Variants in UGP2 observed in about 807,000 individuals in gnomAD.
The protein encoded by UGP2 is UDP-glucose pyrophosphorylase 2.
A neutral mutation model predicts 49.0 loss-of-function variants in UGP2; 40 were observed. The observed-to-expected ratio is 0.82, with a 90% confidence interval of 0.63 to 1.06. UGP2 has a LOEUF of 1.06. Among genes scored for constraint, UGP2 ranks in the 50% least tolerant of loss-of-function variants. UGP2 has a pLI of 0.00. For missense variants in UGP2, 460 were observed against 603.5 expected (o/e 0.76, Z 2.49); for synonymous variants, 225 against 213.0 (o/e 1.06, Z -0.49).
At chr2:63,868,012 G>A (rs1177204624) in intron 3 of UGP2, among the ~76,000 whole-genome samples, 2 of 152,148 alleles carry the variant, frequency 1.3e-5, no homozygotes, top group African/African-American at 4.8e-5. Context: ...TTTTATTGAA[G>A]GATATCTAGA....
intron 3 of UGP2, among the ~76,000 whole-genome samples, chr2:63,871,549 G>A (rs1424536109): frequency 1.3e-5 from 2 of 152,264 alleles, no homozygotes; most frequent in African/African-American, 4.8e-5. Context: ...GCCTCCCAGT[G>A]TGCTGGGATT....
chr2:63,865,203 A>C (rs1328155491), intron 3 of UGP2, among the ~76,000 whole-genome samples: 1 of 152,202 alleles, frequency 6.6e-6, no homozygotes, highest in Admixed American at 6.5e-5. Context: ...CCCTCAAAGA[A>C]CTTAAAATTT....
chr2:63,841,979 G>A lies in UGP2; in HGVS notation c.-207G>A, dbSNP rs1483932614. 3 of 566,066 alleles carry A rather than the reference G, an allele frequency of 5.3e-6. No homozygotes were observed. The highest frequency in any genetic ancestry group is 7.7e-5 in the Admixed American group (2 of 25,868). 35.1% of individuals were successfully genotyped at this position (566,066 alleles called of 1,614,324 possible). On this transcript the variant is annotated 5_prime_UTR_variant, in exon 1 of 10. Transcript: ENST00000337130. Reference sequence around the variant, plus strand: ...AGTCGCACCAAGTTTCCGTCTTTTGGAATTGGGGAAGGAGTTTCTTTCTTT... The same window carrying A: ...AGTCGCACCAAGTTTCCGTCTTTTGAAATTGGGGAAGGAGTTTCTTTCTTT...
chr2:63,842,685 A>G (rs1250966946), intron 1 of UGP2: 5 of 1,282,554 alleles, frequency 3.9e-6, no homozygotes, highest in Non-Finnish European at 4.1e-6. Context: ...TCTCAGATTC[A>G]CTTATTGCGA....
chr2:63,878,480 A>G (rs951863095), intron 3 of UGP2, among the ~76,000 whole-genome samples: 2 of 152,254 alleles, frequency 1.3e-5, no homozygotes, highest in Admixed American at 1.3e-4. Context: ...TTATGTCTCC[A>G]TGACTAAGTA....
At position 63,891,132 on chromosome 2, in the gene UGP2, A is replaced by G. The variant is rs1672124103; in HGVS notation, c.1432A>G (p.Ile478Val). 2 of 1,613,232 alleles carry G rather than the reference A, an allele frequency of 1.2e-6. No individual in the cohort carries two copies. Among genetic ancestry groups the G allele is most frequent in the African/African-American group, 2.7e-5 (2 of 74,870 alleles). Residue 478 changes from isoleucine to valine, a missense_variant, in exon 10 of 10, where the codon ATC (isoleucine) becomes GTC (valine). By Grantham distance (29) the Ile-to-Val change is conservative. Around this residue, in one of 2 missense-constraint regions of UGP2, gnomAD observed 317 missense variants for 473.0 expected, o/e 0.67. Transcript: ENST00000337130. ...CCCTGTCACTTAGGGAACGGTTATC[A>G]TCATTGCAAATCATGGTGACAGAAT... ...KNVSLKGTVIIIANHGDRIDI... is the reference protein window; with the variant it reads ...KNVSLKGTVIVIANHGDRIDI...
At chr2:63,871,308 T>TC (rs1558950322) in intron 3 of UGP2, among the ~76,000 whole-genome samples, 1 of 152,146 alleles carries the variant, frequency 6.6e-6, no homozygotes, top group African/African-American at 2.4e-5. Context: ...CTTTTTTTTT[T>TC]CCTCCTTGCT....
In UGP2 at chr2:63,887,858, C is replaced by T. The variant is rs1349680006; in HGVS notation, c.1314+214C>T. 4.6e-6 allele frequency: 3 copies of T among 646,772 alleles called. No homozygotes were observed. In the East Asian group the frequency reaches 9.8e-5, roughly 21 times the overall value. The allele number at this position is 646,772 out of a possible 1,614,324, so 40.1% of individuals were successfully genotyped here. On this transcript the variant is annotated intron_variant, in intron 8 of 9. Coordinates refer to ENST00000337130, the MANE Select transcript of UGP2 (RefSeq NM_006759.4). ...TGCCATATGGAGAGTAGAAAATAAT[C>T]TTTAAATTTTGGGGCATTTTATCTT...
At chr2:63,865,744 A>G (rs1168345053) in intron 3 of UGP2, among the ~76,000 whole-genome samples, 1 of 151,866 alleles carries the variant, frequency 6.6e-6, no homozygotes, top group Non-Finnish European at 1.5e-5. Flanking sequence ...TCGCTGTGTT[A>G]CCCAGGCTGG....
At chr2:63,851,939 A>G (rs2104261421) in intron 1 of UGP2, among the ~76,000 whole-genome samples, 1 of 152,328 alleles carries the variant, frequency 6.6e-6, no homozygotes, top group African/African-American at 2.4e-5. Flanking sequence ...TGGTGGACAC[A>G]TACTCATTAT....
intron 3 of UGP2, among the ~76,000 whole-genome samples, chr2:63,863,447 C>T (rs148864832): frequency 1.4e-4 from 21 of 152,178 alleles, no homozygotes; most frequent in African/African-American, 4.1e-4. Flanking sequence ...AATTTTACAT[C>T]TCTTTAGCAT....
chr2:63,847,888 T>G lies in UGP2; in HGVS notation c.19+5684T>G, dbSNP rs562860739. ...TGCAAGTCACAGGGGATGCAATGGC[T>G]TGGCTTGGGCTCAGAGGCCTGACAT... On this transcript the variant is annotated intron_variant, in intron 1 of 9. Transcript: ENST00000337130. 2.0e-5 allele frequency among the ~76,000 whole-genome samples: 3 copies of G among 152,350 alleles called. No individual in the cohort carries two copies. The South Asian group carries it at 6.2e-4, about 32-fold the overall frequency.
intron 8 of UGP2, 81 bp downstream of exon 8, chr2:63,887,725 C>A (rs1020911128): frequency 6.5e-7 from 1 of 1,543,328 alleles, no homozygotes; most frequent in Non-Finnish European, 8.8e-7. Context: ...GAATTGGAGA[C>A]TAATTACAGT....
intron 3 of UGP2, among the ~76,000 whole-genome samples, chr2:63,877,592 C>G (rs1019783825): frequency 6.6e-6 from 1 of 152,218 alleles, no homozygotes; most frequent in Non-Finnish European, 1.5e-5. Context: ...AGTAATGGCT[C>G]TCATGACAAG....
intron 8 of UGP2, chr2:63,889,211 T>G (rs1671902360): frequency 6.6e-6 from 1 of 152,022 alleles, no homozygotes; most frequent in Admixed American, 6.6e-5. Context: ...GAATTGGAGA[T>G]ATGAATATCG....
chr2:63,886,003 G>C lies in UGP2; in HGVS notation c.873+117G>C, dbSNP rs897108776. 5.1e-6 allele frequency: 6 copies of C among 1,169,758 alleles called. 1 individual carries two copies. The highest frequency in any genetic ancestry group is 3.4e-5 in the Admixed American group (1 of 29,778). The allele number at this position is 1,169,758 out of a possible 1,614,324, so 72.5% of individuals were successfully genotyped here. A position where few individuals can be genotyped will look rare whatever the true frequency, so the allele number is the denominator to read the frequency against. Reference sequence around the variant, plus strand: ...TTAAACAACACATTTAATATGTTCTGTTTGACATAATAGTATGTATCATAA... The same window carrying C: ...TTAAACAACACATTTAATATGTTCTCTTTGACATAATAGTATGTATCATAA... On this transcript the variant is annotated intron_variant, in intron 6 of 9. Transcript: ENST00000337130.
At chr2:63,881,406 G>C (rs1404994153) in intron 3 of UGP2, among the ~76,000 whole-genome samples, 1 of 151,466 alleles carries the variant, frequency 6.6e-6, no homozygotes, top group Non-Finnish European at 1.5e-5. Flanking sequence ...ACAAATAACA[G>C]CTAACATCCA....
intron 1 of UGP2, among the ~76,000 whole-genome samples, chr2:63,854,615 GCACTCT>G (rs1324301627): frequency 4.6e-5 from 7 of 152,258 alleles, no homozygotes; most frequent in Middle Eastern, 3.4e-3. Context: ...TCTTGTCTAA[GCACTCT>G]TCCTTATTCT....
intron 3 of UGP2, among the ~76,000 whole-genome samples, chr2:63,869,402 A>AT (rs1281761231): frequency 6.6e-6 from 1 of 152,194 alleles, no homozygotes; most frequent in African/African-American, 2.4e-5. Context: ...ATTTTTATTT[A>AT]TTAGCAGGTT....
Sources: gnomAD v4.1 joint callset for allele counts (sites outside exome capture counted in the v4.1 genomes callset) on GRCh38, gnomAD v4.1.1 for gene constraint, gnomAD v4.1.1 regional missense constraint, MANE v1.5 for transcripts, NCBI Gene and HGNC (gene_info 2026-07-23, HGNC 2026-07-21) for gene names.